CACNA2D3: variants seen among roughly 807,000 people sequenced by gnomAD.
CACNA2D3 encodes voltage-dependent calcium channel subunit alpha-2/delta-3.
Under a neutral mutation model 160.6 loss-of-function variants are expected in CACNA2D3, and 60 were observed. The ratio of observed to expected loss-of-function variants is 0.37; its 90% CI spans 0.30 to 0.46. The LOEUF is 0.46. CACNA2D3 is among the 20% of genes least tolerant of loss of function. CACNA2D3 has a pLI of 1.00. For missense variants in CACNA2D3, 1,205 were observed against 1,365.0 expected, an observed-to-expected ratio of 0.88 and a Z score of 1.85; for synonymous variants, 558 against 492.9, an observed-to-expected ratio of 1.13 and a Z score of -1.75.
chr3:54,816,844 C>G lies in CACNA2D3; in HGVS notation c.1381-9C>G, dbSNP rs1235264489. 3 of 1,612,926 alleles carry G rather than the reference C, an allele frequency of 1.9e-6. No individual in the cohort carries two copies. The highest frequency in any genetic ancestry group is 2.7e-5 in the African/African-American group (2 of 74,750). On this transcript the variant is annotated splice_polypyrimidine_tract_variant and intron_variant, in intron 13 of 37. Coordinates refer to ENST00000474759, the MANE Select transcript of CACNA2D3 (RefSeq NM_018398.3). ...TTCTTTTTTGTTTTGTTTTGTTTTC[C>G]CCCTTCAGCTCCCTCAGGCACAAAA...
intron 8 of CACNA2D3, among the ~76,000 whole-genome samples, chr3:54,573,782 G>T (rs564012756): frequency 1.3e-5 from 2 of 152,186 alleles, no homozygotes; most frequent in Non-Finnish European, 2.9e-5. Context: ...TTCCTAGCTG[G>T]CTAATTTTCA....
At chr3:54,940,549 C>A (rs1340523877) in intron 27 of CACNA2D3, among the ~76,000 whole-genome samples, 1 of 152,082 alleles carries the variant, frequency 6.6e-6, no homozygotes, top group African/African-American at 2.4e-5. Context: ...CCGTAAAGCC[C>A]CCTCCCCTTG....
At chr3:54,880,321 C>T (rs960642787) in intron 20 of CACNA2D3, among the ~76,000 whole-genome samples, 37 of 152,198 alleles carry the variant, frequency 2.4e-4, no homozygotes, top group African/African-American at 8.0e-4. Context: ...GAGGATTGGG[C>T]AAAGAAGCCT....
chr3:54,596,452 AG>A (rs1034612202), intron 9 of CACNA2D3, among the ~76,000 whole-genome samples: 43 of 152,272 alleles, frequency 2.8e-4, no homozygotes, highest in African/African-American at 1.0e-3. Flanking sequence ...AGTACCTAGA[AG>A]GGGATACATC....
chr3:54,185,181 A>G (rs992102052), intron 2 of CACNA2D3, among the ~76,000 whole-genome samples: 4 of 152,248 alleles, frequency 2.6e-5, no homozygotes, highest in Non-Finnish European at 5.9e-5. Flanking sequence ...TTCAGATTGC[A>G]GTTCTTCTAA....
intron 4 of CACNA2D3, among the ~76,000 whole-genome samples, chr3:54,494,154 G>A (rs1188388163): frequency 6.6e-6 from 1 of 152,180 alleles, no homozygotes; most frequent in East Asian, 1.9e-4. Context: ...GGATGACATG[G>A]GGAACAAGGA....
At chr3:54,774,492 C>T (rs1165240758) in intron 13 of CACNA2D3, among the ~76,000 whole-genome samples, 2 of 152,066 alleles carry the variant, frequency 1.3e-5, no homozygotes, top group Non-Finnish European at 2.9e-5. Context: ...GACATCTGCA[C>T]CCATGATCCA....
chr3:54,551,184 G>A (rs1702150710), intron 5 of CACNA2D3, among the ~76,000 whole-genome samples: 1 of 151,972 alleles, frequency 6.6e-6, no homozygotes, highest in Non-Finnish European at 1.5e-5. Flanking sequence ...ACTTCTTTTG[G>A]CTCTGCCAGG....
intron 10 of CACNA2D3, among the ~76,000 whole-genome samples, chr3:54,631,229 C>T (rs1488844712): frequency 6.6e-6 from 1 of 151,614 alleles, no homozygotes; most frequent in Non-Finnish European, 1.5e-5. Context: ...CACACACACA[C>T]ACACACAAAG....
intron 27 of CACNA2D3, among the ~76,000 whole-genome samples, chr3:54,916,095 C>T (rs1043165133): frequency 4.6e-5 from 7 of 152,148 alleles, no homozygotes; most frequent in East Asian, 3.9e-4. Flanking sequence ...TGCATTAAAA[C>T]GAAGCATGCG....
Position 54,792,352 on chromosome 3 carries a change from C to T in CACNA2D3, c.1381-24501C>T, listed in dbSNP as rs1177475870. ...GACTCCATAGAGCAGAGTTCATGAACCACTGGAATAGATAACTTATAATAT... is the reference window on the plus strand; with the variant it reads ...GACTCCATAGAGCAGAGTTCATGAATCACTGGAATAGATAACTTATAATAT... On this transcript the variant is annotated intron_variant, in intron 13 of 37. Transcript: ENST00000474759. Among the ~76,000 whole-genome samples, 6 of 152,166 alleles carry T rather than the reference C, an allele frequency of 3.9e-5. 1 individual carries two copies. In the South Asian group the frequency reaches 1.0e-3, roughly 26 times the overall value.
chr3:54,886,038 C>T (rs1344916935), intron 23 of CACNA2D3, among the ~76,000 whole-genome samples: 1 of 152,102 alleles, frequency 6.6e-6, no homozygotes, highest in Non-Finnish European at 1.5e-5. Flanking sequence ...TGCTGAGTGC[C>T]CTGCCTACCA....
At chr3:54,171,317 C>T (rs76023312) in intron 2 of CACNA2D3, among the ~76,000 whole-genome samples, 3,153 of 151,748 alleles carry the variant, frequency 0.021, 46 homozygotes, top group South Asian at 0.048. Context: ...CTATCGGGTA[C>T]ATTCTGACAG....
In CACNA2D3 at chr3:54,168,901, C is replaced by G. The variant is rs73085918; in HGVS notation, c.204+45307C>G. 3.3e-3 allele frequency among the ~76,000 whole-genome samples: 499 copies of G among 152,324 alleles called. 2 individuals are homozygous for G. The highest frequency in any genetic ancestry group is 5.4e-3 in the Non-Finnish European group (368 of 68,040). ...CCAGGGGTTCTGTTCTGAACTCTCA[C>G]TGTCCTGCGTGGAAGATCTTCTGTG... On this transcript the variant is annotated intron_variant, in intron 2 of 37. Transcript: ENST00000474759.
intron 29 of CACNA2D3, among the ~76,000 whole-genome samples, chr3:54,979,918 T>G (rs191253581): frequency 3.0e-4 from 46 of 152,302 alleles, no homozygotes; most frequent in African/African-American, 1.1e-3. Context: ...ATAAAGAAAT[T>G]TGGTTACTTC....
At chr3:54,967,401 G>A (rs538259505) in intron 27 of CACNA2D3, among the ~76,000 whole-genome samples, 1 of 152,086 alleles carries the variant, frequency 6.6e-6, no homozygotes, top group Non-Finnish European at 1.5e-5. Context: ...TCTTACAATT[G>A]TGTATTTCTT....
chr3:54,573,517 A>G (rs1575353906), intron 8 of CACNA2D3, among the ~76,000 whole-genome samples: 1 of 152,228 alleles, frequency 6.6e-6, no homozygotes, highest in African/African-American at 2.4e-5. Flanking sequence ...TCTTATTTCA[A>G]TCAAATGTAT....
At chr3:54,467,704 G>A (rs1367798889) in intron 4 of CACNA2D3, among the ~76,000 whole-genome samples, 5 of 152,194 alleles carry the variant, frequency 3.3e-5, no homozygotes, top group African/African-American at 1.2e-4. Context: ...AGGGAGAATA[G>A]TGGTTACCAG....
intron 5 of CACNA2D3, among the ~76,000 whole-genome samples, chr3:54,504,504 G>A (rs1701339157): frequency 6.6e-6 from 1 of 152,158 alleles, no homozygotes; most frequent in Admixed American, 6.5e-5. Flanking sequence ...TGTTTATAAA[G>A]GGTTTAAGTT....
Sources: allele counts gnomAD v4.1 joint callset (sites outside exome capture counted in the v4.1 genomes callset), GRCh38; gene constraint gnomAD v4.1.1; transcripts MANE v1.5; gene names NCBI Gene and HGNC (gene_info 2026-07-23, HGNC 2026-07-21).